ARHGEF10L: variants seen among roughly 807,000 people sequenced by gnomAD.
ARHGEF10L encodes the protein rho guanine nucleotide exchange factor 10-like protein.
In ARHGEF10L, 69 loss-of-function variants were observed where a neutral mutation model predicts 141.2. The ratio of observed to expected loss-of-function variants is 0.49; its 90% CI spans 0.40 to 0.60. ARHGEF10L has a LOEUF of 0.60. ARHGEF10L is among the 20% of genes least tolerant of loss of function. The pLI, the probability that ARHGEF10L is intolerant of heterozygous loss-of-function variation, is 0.00. For synonymous variants in ARHGEF10L, 711 were observed against 718.5 expected, an observed-to-expected ratio of 0.99 and a Z score of 0.17; for missense variants, 1,482 against 1,734.3, an observed-to-expected ratio of 0.85 and a Z score of 2.58.
chr1:17,695,957 G>A (rs1350297723), intron 28 of ARHGEF10L, among the ~76,000 whole-genome samples: 3 of 152,142 alleles, frequency 2.0e-5, no homozygotes, highest in African/African-American at 4.8e-5. Context: ...AGCACTTTGG[G>A]AGGCCGAGGT....
intron 26 of ARHGEF10L, among the ~76,000 whole-genome samples, chr1:17,670,153 C>T (rs1014266371): frequency 2.0e-5 from 3 of 152,252 alleles, no homozygotes; most frequent in Admixed American, 1.3e-4. Context: ...AAGGGTGGGG[C>T]GCCTGAGCTG....
At chr1:17,680,403 G>A (rs1021903999) in intron 26 of ARHGEF10L, among the ~76,000 whole-genome samples, 2 of 152,244 alleles carry the variant, frequency 1.3e-5, no homozygotes, top group African/African-American at 4.8e-5. Flanking sequence ...GTCACCTGGA[G>A]GCACATAAAT....
chr1:17,556,276 G>T (rs1247945843), intron 1 of ARHGEF10L, among the ~76,000 whole-genome samples: 50 of 116,208 alleles, frequency 4.3e-4, no homozygotes, highest in African/African-American at 1.4e-3. Context: ...TGGCGGCGGG[G>T]GGGGGGCCTG....
Position 17,654,777 on chromosome 1 carries a change from G to C in ARHGEF10L, c.2481+55G>C. The C allele has an allele frequency of 6.6e-7, 1 of 1,514,984 alleles. No individual in the cohort carries two copies. The highest frequency in any genetic ancestry group is 9.1e-7 in the Non-Finnish European group (1 of 1,094,342). The allele number at this position is 1,514,984 out of a possible 1,614,324, so 93.8% of individuals were successfully genotyped here. A position where few individuals can be genotyped will look rare whatever the true frequency, so the allele number is the denominator to read the frequency against. ...TCTGGCCTCAGGACAGGAGTAGGGA[G>C]AGCGGCACCTGGGAGGGGGTGCTGG... is the stretch of plus-strand genomic sequence containing the variant. On this transcript the variant is annotated intron_variant, in intron 23 of 28. Coordinates refer to ENST00000361221, the MANE Select transcript of ARHGEF10L (RefSeq NM_018125.4). The surrounding 1 kb of genome is among the most constrained non-coding windows in gnomAD (Gnocchi z 4.3).
At chr1:17,630,277 G>A (rs1557872269) in intron 15 of ARHGEF10L, among the ~76,000 whole-genome samples, 1 of 152,262 alleles carries the variant, frequency 6.6e-6, no homozygotes, top group African/African-American at 2.4e-5. Context: ...CCTCCAGAGG[G>A]CCGTTTGTGC....
chr1:17,597,482 C>T (rs2080228316), intron 4 of ARHGEF10L, among the ~76,000 whole-genome samples: 1 of 152,160 alleles, frequency 6.6e-6, no homozygotes, highest in African/African-American at 2.4e-5. Context: ...GCCGTGCCCT[C>T]TTTGCATGCG....
Position 17,623,034 on chromosome 1 carries a change from G to T in ARHGEF10L, c.1059G>T (p.Ala353=). The T allele has an allele frequency of 6.2e-7, 1 of 1,614,000 alleles. No homozygotes were observed. Among genetic ancestry groups the T allele is most frequent in the Non-Finnish European group, 8.5e-7 (1 of 1,179,990 alleles). Residue 353 remains alanine (A), a synonymous_variant, in exon 12 of 29, where the codon GCG becomes GCT. Coordinates refer to ENST00000361221, the MANE Select transcript of ARHGEF10L (RefSeq NM_018125.4). This position sits in a 1 kb window ranked among gnomAD's most constrained non-coding sequence, Gnocchi z 4.7. The part of the protein sequence containing the change: ...RNPLMEMEPK[A]LSARKCQVVF... ...CCCTGATGGAGATGGAGCCCAAGGCGCTGAGCGCCCGCAAGTGCCAGGTGG... is the reference window on the plus strand; with the variant it reads ...CCCTGATGGAGATGGAGCCCAAGGCTCTGAGCGCCCGCAAGTGCCAGGTGG...
At chr1:17,584,623 C>T (rs2078867262) in intron 2 of ARHGEF10L, among the ~76,000 whole-genome samples, 1 of 152,146 alleles carries the variant, frequency 6.6e-6, no homozygotes, top group Non-Finnish European at 1.5e-5. Flanking sequence ...TGGCAGCGTG[C>T]AGTAGAGATG....
At position 17,608,937 on chromosome 1, in the gene ARHGEF10L, T is replaced by A. The variant is rs138818649; in HGVS notation, c.609+960T>A. 3.2e-3 allele frequency among the ~76,000 whole-genome samples: 492 copies of A among 152,172 alleles called. 1 individual carries two copies. Among genetic ancestry groups the A allele is most frequent in the African/African-American group, 0.011 (452 of 41,522 alleles). On this transcript the variant is annotated intron_variant, in intron 7 of 28. Coordinates refer to ENST00000361221, the MANE Select transcript of ARHGEF10L (RefSeq NM_018125.4). ...TAGCTGGGATTACAGGCGTGCACCA[T>A]CATGCCTGGCTAATTTTTGTATTTT...
intron 1 of ARHGEF10L, among the ~76,000 whole-genome samples, chr1:17,563,789 G>A (rs1463953006): frequency 1.3e-5 from 2 of 152,098 alleles, no homozygotes; most frequent in East Asian, 1.9e-4. Context: ...CTCCAGAGCC[G>A]GTGCACAGAC....
intron 20 of ARHGEF10L, 27 bp downstream of exon 20, chr1:17,638,716 G>T: frequency 6.2e-7 from 1 of 1,612,664 alleles, no homozygotes; most frequent in Non-Finnish European, 8.5e-7. Context: ...TTGGAGGGAG[G>T]GCTGCTGCCT....
chr1:17,595,220 C>CTT (rs58475060), intron 4 of ARHGEF10L, among the ~76,000 whole-genome samples: 88 of 106,062 alleles, frequency 8.3e-4, no homozygotes, highest in African/African-American at 1.1e-3. Context: ...CGTGGCTCAC[C>CTT]TTTTTTTTTT....
At chr1:17,678,411 T>A (rs2063858326) in intron 26 of ARHGEF10L, among the ~76,000 whole-genome samples, 1 of 151,546 alleles carries the variant, frequency 6.6e-6, no homozygotes, top group Admixed American at 6.6e-5. Context: ...ACTGATAGAT[T>A]TCAGGGTTTT....
intron 4 of ARHGEF10L, among the ~76,000 whole-genome samples, chr1:17,597,966 T>G (rs982785970): frequency 1.3e-5 from 2 of 152,252 alleles, no homozygotes; most frequent in African/African-American, 4.8e-5. Context: ...GTTCTCTTGG[T>G]TAAACTGCAT....
At chr1:17,574,090 G>C (rs915360872) in intron 1 of ARHGEF10L, among the ~76,000 whole-genome samples, 1 of 152,062 alleles carries the variant, frequency 6.6e-6, no homozygotes, top group Non-Finnish European at 1.5e-5. Flanking sequence ...GCACCTGCAG[G>C]GTTGAGGAGG....
chr1:17,577,992 G>A (rs1026613823), intron 1 of ARHGEF10L, among the ~76,000 whole-genome samples: 1 of 152,212 alleles, frequency 6.6e-6, no homozygotes, highest in African/African-American at 2.4e-5. Context: ...GAGGACATTG[G>A]ACTTTCTGCC....
intron 12 of ARHGEF10L, among the ~76,000 whole-genome samples, chr1:17,624,157 C>T (rs906942669): frequency 6.6e-6 from 1 of 152,206 alleles, no homozygotes; most frequent in Non-Finnish European, 1.5e-5. Context: ...TGGCACCACC[C>T]CATCCCACCT....
intron 1 of ARHGEF10L, among the ~76,000 whole-genome samples, chr1:17,548,561 G>T (rs1446612126): frequency 6.6e-6 from 1 of 151,376 alleles, no homozygotes; most frequent in Non-Finnish European, 1.5e-5. Flanking sequence ...AGGGAAATGT[G>T]TGCCCTGCTT....
intron 1 of ARHGEF10L, among the ~76,000 whole-genome samples, chr1:17,564,095 G>A (rs2077651177): frequency 6.6e-6 from 1 of 152,208 alleles, no homozygotes; most frequent in South Asian, 2.1e-4. Context: ...CTCAGCCACA[G>A]AGCGGGAGGG....
Sources: allele counts gnomAD v4.1 joint callset (sites outside exome capture counted in the v4.1 genomes callset), GRCh38; gene constraint gnomAD v4.1.1; non-coding constraint Gnocchi (gnomAD v3.1); transcripts MANE v1.5; gene names NCBI Gene and HGNC (gene_info 2026-07-23, HGNC 2026-07-21).